The following ELAPOR2 variants were observed in gnomAD, a reference collection of about 807,000 sequenced individuals.
The protein encoded by ELAPOR2 is endosome-lysosome associated apoptosis and autophagy regulator family member 2.
In ELAPOR2, 89 loss-of-function variants were observed where a neutral mutation model predicts 120.7. That is an observed-to-expected ratio of 0.74 (90% CI 0.62 to 0.88). ELAPOR2 has a LOEUF of 0.88. Among genes scored for constraint, ELAPOR2 ranks in the 40% least tolerant of loss-of-function variants. The pLI is 0.00. For missense variants in ELAPOR2, 1,134 were observed against 1,251.6 expected, an observed-to-expected ratio of 0.91 and a Z score of 1.42; for synonymous variants, 444 against 444.9, an observed-to-expected ratio of 1.00 and a Z score of 0.03.
chr7:86,983,468 A>T (rs1792590420), intron 1 of ELAPOR2, among the ~76,000 whole-genome samples: 1 of 152,202 alleles, frequency 6.6e-6, no homozygotes, highest in South Asian at 2.1e-4. Flanking sequence ...GGGAAGCCCA[A>T]CAGACTAACA....
intron 1 of ELAPOR2, among the ~76,000 whole-genome samples, chr7:87,048,327 C>T (rs545104947): frequency 6.6e-6 from 1 of 151,758 alleles, no homozygotes; most frequent in Non-Finnish European, 1.5e-5. Context: ...CTGTCATTTG[C>T]AACAACATGG....
At chr7:87,048,096 T>C (rs929252078) in intron 1 of ELAPOR2, among the ~76,000 whole-genome samples, 5 of 151,970 alleles carry the variant, frequency 3.3e-5, no homozygotes, top group African/African-American at 9.7e-5. Context: ...ATACAAAAAT[T>C]AGCTGGGCAT....
At chr7:86,940,584 G>A (rs1562934175) in intron 5 of ELAPOR2, among the ~76,000 whole-genome samples, 1 of 151,966 alleles carries the variant, frequency 6.6e-6, no homozygotes, top group Non-Finnish European at 1.5e-5. Flanking sequence ...AGAAAAAATA[G>A]GAATGTTCTT....
At chr7:86,998,250 CT>C in intron 1 of ELAPOR2, among the ~76,000 whole-genome samples, 1 of 152,206 alleles carries the variant, frequency 6.6e-6, no homozygotes, top group Admixed American at 6.5e-5. Flanking sequence ...TCAAATTTAT[CT>C]TATTATATTC....
At chr7:86,919,395 G>A in intron 10 of ELAPOR2, 85 bp from the exon 11 acceptor site, 1 of 773,552 alleles carries the variant, frequency 1.3e-6, no homozygotes, top group Non-Finnish European at 2.0e-6. Context: ...AAAATAAAAA[G>A]AAGCATTAGT....
At chr7:86,887,073 T>A (rs558643875) in intron 21 of ELAPOR2, among the ~76,000 whole-genome samples, 7 of 152,192 alleles carry the variant, frequency 4.6e-5, no homozygotes, top group Non-Finnish European at 1.0e-4. Context: ...GCTGGCTGTT[T>A]TGTCTGCCAC....
chr7:87,059,288 C>G (rs1256183648), intron 1 of ELAPOR2, 37 bp downstream of exon 1: 1 of 1,246,318 alleles, frequency 8.0e-7, no homozygotes, highest in South Asian at 4.1e-5. Context: ...GCGCCCTCCC[C>G]CAGCAAACTC....
At chr7:86,946,423 G>T (rs762410213) in intron 3 of ELAPOR2, among the ~76,000 whole-genome samples, 2 of 152,184 alleles carry the variant, frequency 1.3e-5, no homozygotes, top group Admixed American at 1.3e-4. Context: ...TTTTGCTCTT[G>T]TTGCCCAGAC....
chr7:86,957,692 T>C (rs980931478), intron 2 of ELAPOR2, among the ~76,000 whole-genome samples: 9 of 152,028 alleles, frequency 5.9e-5, no homozygotes, highest in African/African-American at 1.9e-4. Context: ...TTTTGAAAAA[T>C]ATAGACAATT....
chr7:86,904,425 G>A (rs1465257742), intron 18 of ELAPOR2, among the ~76,000 whole-genome samples: 1 of 152,114 alleles, frequency 6.6e-6, no homozygotes, highest in Non-Finnish European at 1.5e-5. Context: ...TAATATTTAG[G>A]AATATCAGCA....
At chr7:86,979,551 A>G (rs921435382) in intron 1 of ELAPOR2, among the ~76,000 whole-genome samples, 1 of 152,264 alleles carries the variant, frequency 6.6e-6, no homozygotes, top group African/African-American at 2.4e-5. Flanking sequence ...CTAATTGATT[A>G]AGTACATTAA....
intron 8 of ELAPOR2, among the ~76,000 whole-genome samples, chr7:86,933,031 A>C (rs1790399265): frequency 6.6e-6 from 1 of 151,714 alleles, no homozygotes; most frequent in Non-Finnish European, 1.5e-5. Flanking sequence ...GTTGAAAATA[A>C]CTCATCTGAC....
chr7:86,951,766 A>G (rs1425796969), intron 2 of ELAPOR2, among the ~76,000 whole-genome samples: 2 of 152,214 alleles, frequency 1.3e-5, no homozygotes, highest in Admixed American at 1.3e-4. Context: ...ATCAATACCT[A>G]ACCTTGTTTA....
chr7:87,038,392 T>C (rs1289761651), intron 1 of ELAPOR2, among the ~76,000 whole-genome samples: 1 of 152,206 alleles, frequency 6.6e-6, no homozygotes, highest in Non-Finnish European at 1.5e-5. Flanking sequence ...TAGGGAAATA[T>C]ATATTATCCT....
intron 1 of ELAPOR2, among the ~76,000 whole-genome samples, chr7:86,985,676 T>C (rs541487173): frequency 6.6e-6 from 1 of 152,152 alleles, no homozygotes; most frequent in South Asian, 2.1e-4. Context: ...ACTAGGTATT[T>C]TTTTTAATAC....
At chr7:87,041,793 T>G (rs1384738896) in intron 1 of ELAPOR2, among the ~76,000 whole-genome samples, 2 of 151,610 alleles carry the variant, frequency 1.3e-5, no homozygotes, top group Admixed American at 1.3e-4. Context: ...GACTAAATGC[T>G]CTAATTAAAA....
rs1289558225 is a variant in ELAPOR2 at position 86,993,247 on chromosome 7, A to G, written c.190-28223T>C. Among the ~76,000 whole-genome samples the G allele has an allele frequency of 1.0e-4, 12 of 116,680 alleles. No individual in the cohort carries two copies. In the East Asian group the frequency reaches 1.7e-3, roughly 17 times the overall value. The allele number at this position is 116,680 out of a possible 152,430, so 76.5% of individuals were successfully genotyped here. A position where few individuals can be genotyped will look rare whatever the true frequency, so the allele number is the denominator to read the frequency against. ...GAGACTCCATCTCAAAAAAAAAAAA[A>G]AAAGAAAAAGAAAAGAAAAGGAAAG... On this transcript the variant is annotated intron_variant, in intron 1 of 21. Coordinates refer to ENST00000450689, the MANE Select transcript of ELAPOR2 (RefSeq NM_001142749.3).
chr7:86,977,800 C>T (rs755562262), intron 1 of ELAPOR2, among the ~76,000 whole-genome samples: 20 of 152,082 alleles, frequency 1.3e-4, no homozygotes, highest in African/African-American at 4.1e-4. Flanking sequence ...AAAATAACCA[C>T]AGTTAGGATG....
intron 6 of ELAPOR2, among the ~76,000 whole-genome samples, chr7:86,939,733 C>A (rs1222248111): frequency 2.6e-5 from 4 of 152,060 alleles, no homozygotes; most frequent in Admixed American, 6.6e-5. Context: ...CTTATTAACA[C>A]AGAGACATTT....
Sources: gnomAD v4.1 joint callset for allele counts (sites outside exome capture counted in the v4.1 genomes callset) on GRCh38, gnomAD v4.1.1 for gene constraint, MANE v1.5 for transcripts, NCBI Gene and HGNC (gene_info 2026-07-23, HGNC 2026-07-21) for gene names.